ATRN: variants seen among roughly 807,000 people sequenced by gnomAD.
The protein encoded by ATRN is attractin.
Under a neutral mutation model 178.7 loss-of-function variants are expected in ATRN, and 54 were observed. That is an observed-to-expected ratio of 0.30 (90% CI 0.24 to 0.38). The LOEUF is 0.38. Ranked by LOEUF, ATRN falls within the 10% of genes least tolerant of loss-of-function variation. ATRN has a pLI of 1.00. For synonymous variants in ATRN, 636 were observed against 663.0 expected (o/e 0.96, Z 0.63); for missense variants, 1,443 against 1,815.1 (o/e 0.79, Z 3.73).
intron 1 of ATRN, among the ~76,000 whole-genome samples, chr20:3,491,953 T>C (rs2084800250): frequency 6.6e-6 from 1 of 152,204 alleles, no homozygotes; most frequent in Non-Finnish European, 1.5e-5. Flanking sequence ...ATCCTTAAAC[T>C]TCTTTTCTTT....
Position 3,581,870 on chromosome 20 carries a change from A to G in ATRN, c.2545-265A>G, listed in dbSNP as rs1403103687. On this transcript the variant is annotated intron_variant, in intron 15 of 28. Coordinates refer to ENST00000262919, the MANE Select transcript of ATRN (RefSeq NM_139321.3). ...ATCTACCATGGCTGAGTCAAGGGAT[A>G]AAGAGGTTTTCCTATGTCTGTGGGG... 2.6e-5 allele frequency among the ~76,000 whole-genome samples: 4 copies of G among 152,322 alleles called. No individual in the cohort carries two copies. The East Asian group carries it at 7.7e-4, about 29-fold the overall frequency.
intron 5 of ATRN, among the ~76,000 whole-genome samples, chr20:3,548,152 C>T (rs1003427752): frequency 1.3e-5 from 2 of 152,148 alleles, no homozygotes; most frequent in African/African-American, 2.4e-5. Context: ...TCTGTTTCTT[C>T]AATTTGTTTA....
chr20:3,472,239 G>A lies in ATRN; in HGVS notation c.410+722G>A, dbSNP rs185988192. Among the ~76,000 whole-genome samples, 14 of 152,278 alleles carry A rather than the reference G, an allele frequency of 9.2e-5. No homozygotes were observed. The East Asian group carries it at 2.7e-3, about 29-fold the overall frequency. On this transcript the variant is annotated intron_variant, in intron 1 of 28. Transcript: ENST00000262919. ...CTTGGAGAAATCAATAAATTAATTA[G>A]CAGTTATCGTTATTTGCTTCAGTTG...
chr20:3,596,496 G>A lies in ATRN; in HGVS notation c.3469+67G>A. 3 of 1,457,472 alleles carry A rather than the reference G, an allele frequency of 2.1e-6. 1 individual carries two copies. Among genetic ancestry groups the A allele is most frequent in the South Asian group, 2.3e-5 (2 of 87,390 alleles). The allele number at this position is 1,457,472 out of a possible 1,614,324, so 90.3% of individuals were successfully genotyped here. A position where few individuals can be genotyped will look rare whatever the true frequency, so the allele number is the denominator to read the frequency against. On this transcript the variant is annotated intron_variant, in intron 21 of 28. Coordinates refer to ENST00000262919, the MANE Select transcript of ATRN (RefSeq NM_139321.3). ...TCAGTAAAACTTCATTGTTTAAACG[G>A]GTTTGAGAATAGTAAGTGCTATAAG...
intron 24 of ATRN, among the ~76,000 whole-genome samples, chr20:3,608,892 G>A (rs886970406): frequency 6.6e-6 from 1 of 151,638 alleles, no homozygotes; most frequent in Non-Finnish European, 1.5e-5. Context: ...TCTTGAACCC[G>A]GGAGGAGGAG....
chr20:3,510,508 TTTC>T (rs2085111255), intron 1 of ATRN, among the ~76,000 whole-genome samples: 2 of 152,344 alleles, frequency 1.3e-5, no homozygotes, highest in South Asian at 4.1e-4. Context: ...TTGTACTGCC[TTTC>T]TTTTTCTTTA....
intron 23 of ATRN, among the ~76,000 whole-genome samples, chr20:3,602,963 C>CAAAAAAAAAAAAAAAAAAAAAAAAAAA (rs3842439): frequency 2.4e-5 from 1 of 40,868 alleles, no homozygotes; most frequent in Non-Finnish European, 4.5e-5. Context: ...AATTCCATCT[C>CAAAAAAAAAAAAAAAAAAAAAAAAAAA]AAAAAAAAAA....
intron 17 of ATRN, 149 bp from the exon 18 acceptor site, chr20:3,584,498 G>T: frequency 1.5e-6 from 1 of 663,596 alleles, no homozygotes; most frequent in Non-Finnish European, 2.5e-6. Flanking sequence ...CAAAATACTG[G>T]GCTCTTTACA....
chr20:3,639,502 C>T (rs930304292), intron 27 of ATRN, among the ~76,000 whole-genome samples: 1 of 152,164 alleles, frequency 6.6e-6, no homozygotes, highest in Admixed American at 6.5e-5. Context: ...ATCCACCCAC[C>T]TCGGCCTCCC....
chr20:3,471,213 A>C lies in ATRN; in HGVS notation c.106A>C (p.Thr36Pro). The C allele has an allele frequency of 4.7e-6, 7 of 1,487,482 alleles. No homozygotes were observed. Among genetic ancestry groups the C allele is most frequent in the South Asian group, 1.3e-5 (1 of 78,690 alleles). The allele number at this position is 1,487,482 out of a possible 1,614,324, so 92.1% of individuals were successfully genotyped here. A position where few individuals can be genotyped will look rare whatever the true frequency, so the allele number is the denominator to read the frequency against. The change falls in exon 1 of 29, where the codon ACC becomes CCC. Residue 36 changes from threonine to proline, a missense_variant. Coordinates refer to ENST00000262919, the MANE Select transcript of ATRN (RefSeq NM_139321.3). ...CGGGCCGCACTGGGACTGGGACGTG[A>C]CCAGGGCTGGGAGGCCGGGGCTGGG... Reference protein sequence around the residue: ...SGGPHWDWDVTRAGRPGLGAG... With the variant: ...SGGPHWDWDVPRAGRPGLGAG...
rs770444006 is a variant in ATRN, at chr20:3,646,821, C to T, written c.4264C>T (p.Pro1422Ser). Residue 1422 changes from proline to serine, a missense_variant, in exon 29 of 29, where the codon CCT becomes TCT. This residue lies in a region of ATRN where 289 missense variants were observed against 440.8 expected (regional missense o/e 0.66). Transcript: ENST00000262919. ...CGTGAGAAACCGGAAGCAGCAGCCC[C>T]CTGCACAGCCTGGGACCTGCATCTG... ...GAVRNRKQQP[P>S]AQPGTCI The T allele has an allele frequency of 1.9e-6, 3 of 1,612,998 alleles. No individual in the cohort carries two copies. The highest frequency in any genetic ancestry group is 2.5e-6 in the Non-Finnish European group (3 of 1,179,690).
At chr20:3,595,102 G>C (rs1451422298) in intron 20 of ATRN, among the ~76,000 whole-genome samples, 1 of 152,224 alleles carries the variant, frequency 6.6e-6, no homozygotes, top group Non-Finnish European at 1.5e-5. Context: ...AGCAGCATCA[G>C]GCATGTTTAA....
chr20:3,492,930 G>A (rs1019858452), intron 1 of ATRN, among the ~76,000 whole-genome samples: 4 of 144,792 alleles, frequency 2.8e-5, no homozygotes, highest in African/African-American at 1.0e-4. Flanking sequence ...ATATATGTGG[G>A]TATATATTAT....
intron 2 of ATRN, among the ~76,000 whole-genome samples, chr20:3,535,714 C>T (rs1211206712): frequency 3.9e-5 from 6 of 151,910 alleles, no homozygotes; most frequent in South Asian, 2.1e-4. Context: ...TCACTGCAAC[C>T]TCCGCCTCCC....
At chr20:3,480,917 A>G (rs2084611499) in intron 1 of ATRN, among the ~76,000 whole-genome samples, 1 of 152,202 alleles carries the variant, frequency 6.6e-6, no homozygotes, top group Admixed American at 6.5e-5. Flanking sequence ...TGTTAATACA[A>G]TCATATTTCC....
chr20:3,644,649 G>A (rs371409555), intron 28 of ATRN, among the ~76,000 whole-genome samples: 90 of 152,266 alleles, frequency 5.9e-4, no homozygotes, highest in African/African-American at 2.1e-3. Flanking sequence ...CCTTCACCCT[G>A]CATGTTCTTC....
chr20:3,584,161 C>A, intron 17 of ATRN, 78 bp downstream of exon 17: 1 of 1,456,176 alleles, frequency 6.9e-7, no homozygotes, highest in Non-Finnish European at 9.5e-7. Flanking sequence ...GCTGTGCTGT[C>A]AGCCTCTGAA....
intron 1 of ATRN, among the ~76,000 whole-genome samples, chr20:3,533,068 A>G (rs1331893915): frequency 6.6e-6 from 1 of 152,156 alleles, no homozygotes; most frequent in Non-Finnish European, 1.5e-5. Flanking sequence ...AGCCTATGGT[A>G]TGGGCCTCTT....
chr20:3,535,630 T>C (rs867630891), intron 2 of ATRN, among the ~76,000 whole-genome samples: 6,553 of 136,548 alleles, frequency 0.048, 436 homozygotes, highest in African/African-American at 0.16. Context: ...CACACACATA[T>C]ATATTTATTT....
Sources: allele counts gnomAD v4.1 joint callset (sites outside exome capture counted in the v4.1 genomes callset), GRCh38; gene constraint gnomAD v4.1.1; regional missense constraint gnomAD v4.1.1; transcripts MANE v1.5; gene names NCBI Gene and HGNC (gene_info 2026-07-23, HGNC 2026-07-21).